Variants in ABCC9 observed in about 807,000 individuals in gnomAD.
ABCC9 encodes the protein ATP-binding cassette sub-family C member 9.
Under a neutral mutation model 188.3 loss-of-function variants are expected in ABCC9, and 95 were observed. The ratio of observed to expected loss-of-function variants is 0.50; its 90% CI spans 0.43 to 0.60. The LOEUF (loss-of-function observed/expected upper bound fraction) is 0.60, where lower values mean the gene tolerates loss of function less well. ABCC9 is among the 20% of genes least tolerant of loss of function. The probability of loss-of-function intolerance (pLI) is 0.00; values close to 1 mark genes in which losing one functional copy is unlikely to be tolerated. For missense variants in ABCC9, 1,102 were observed against 1,876.3 expected (o/e 0.59, Z 7.62); for synonymous variants, 659 against 652.7 (o/e 1.01, Z -0.15).
At position 21,807,333 on chromosome 12, in the gene ABCC9, A is replaced by G; in HGVS notation, c.4449+13T>C. 1 of 1,613,810 alleles carries G rather than the reference A, an allele frequency of 6.2e-7. No individual in the cohort carries two copies. The highest frequency in any genetic ancestry group is 8.5e-7 in the Non-Finnish European group (1 of 1,179,720). ...CAATTCGTCAATTTTAAAAGCTTAG[A>G]TAATGCACTCACTGTGGCCATGTCA... is the stretch of plus-strand genomic sequence containing the variant. On this transcript the variant is annotated intron_variant, in intron 38 of 39. Transcript: ENST00000261200.
At chr12:21,871,898 A>C (rs1339616822) in intron 18 of ABCC9, among the ~76,000 whole-genome samples, 3 of 152,230 alleles carry the variant, frequency 2.0e-5, no homozygotes, top group Non-Finnish European at 2.9e-5. Context: ...TAGCCAGTGT[A>C]TCCATAAACT....
intron 39 of ABCC9, among the ~76,000 whole-genome samples, chr12:21,802,600 A>G (rs1941531307): frequency 6.6e-6 from 1 of 152,218 alleles, no homozygotes; most frequent in Admixed American, 6.5e-5. Flanking sequence ...TTTTACACTT[A>G]TGGCACTTCT....
intron 5 of ABCC9, among the ~76,000 whole-genome samples, chr12:21,917,419 G>T (rs1313607353): frequency 6.6e-6 from 1 of 152,120 alleles, no homozygotes; most frequent in Non-Finnish European, 1.5e-5. Context: ...TTAAAAAGTA[G>T]CTTTATCTTC....
intron 4 of ABCC9, 52 bp from the exon 5 acceptor site, chr12:21,926,115 T>G (rs756254477): frequency 6.2e-7 from 1 of 1,612,576 alleles, no homozygotes; most frequent in East Asian, 2.2e-5. Context: ...AGATAATTTC[T>G]TATTTTTTTT....
chr12:21,912,786 A>G, intron 8 of ABCC9, 86 bp downstream of exon 8: 2 of 1,375,798 alleles, frequency 1.5e-6, no homozygotes, highest in Non-Finnish European at 2.1e-6. Context: ...TATTTGAACA[A>G]CTCATAAAAC....
At chr12:21,851,988 A>G (rs1484992757) in intron 24 of ABCC9, 109 bp downstream of exon 24, 25 of 1,257,322 alleles carry the variant, frequency 2.0e-5, no homozygotes, top group African/African-American at 3.0e-5. Flanking sequence ...AAAGACCATT[A>G]TATTACAAAG....
rs959604118 is a variant in ABCC9 at position 21,940,739 on chromosome 12, C to T, written c.-50G>A. ...GGCAATAGCTTCACGCTGCTTCAAACCCCTGCCGGTGCACTTGAGCTACCT... is the reference window on the plus strand; with the variant it reads ...GGCAATAGCTTCACGCTGCTTCAAATCCCTGCCGGTGCACTTGAGCTACCT... On this transcript the variant is annotated 5_prime_UTR_variant, in exon 2 of 40. Transcript: ENST00000261200. 1.3e-5 allele frequency: 2 copies of T among 152,186 alleles called. No homozygotes were observed. The highest frequency in any genetic ancestry group is 4.8e-5 in the African/African-American group (2 of 41,440). 9.4% of individuals were successfully genotyped at this position (152,186 alleles called of 1,614,324 possible).
At chr12:21,911,221 T>TTTCCTGC (rs1287904368) in intron 8 of ABCC9, among the ~76,000 whole-genome samples, 1 of 151,924 alleles carries the variant, frequency 6.6e-6, no homozygotes, top group Non-Finnish European at 1.5e-5. Context: ...TTAGAATGCA[T>TTTCCTGC]TTCCTGCAAA....
chr12:21,858,986 A>T (rs1401175773), intron 22 of ABCC9, among the ~76,000 whole-genome samples: 1 of 152,202 alleles, frequency 6.6e-6, no homozygotes, highest in Admixed American at 6.6e-5. Context: ...CATAACCGTC[A>T]AATTTTATTT....
In ABCC9 at chr12:21,880,398, C is replaced by A. The variant is rs74067835; in HGVS notation, c.2019+2368G>T. On this transcript the variant is annotated intron_variant, in intron 16 of 39. Coordinates refer to ENST00000261200, the MANE Select transcript of ABCC9 (RefSeq NM_020297.4). ...CATAAAGGAAAAGTTGTATCCTAGA[C>A]TATATTAAAATTAAGAACTTCTGTT... Among the ~76,000 whole-genome samples, 1,043 of 152,044 alleles carry A rather than the reference C, an allele frequency of 6.9e-3. 19 individuals carry two copies. The highest frequency in any genetic ancestry group is 0.024 in the African/African-American group (996 of 41,456).
intron 8 of ABCC9, among the ~76,000 whole-genome samples, chr12:21,911,942 A>G (rs187108478): frequency 2.0e-5 from 3 of 152,052 alleles, no homozygotes; most frequent in Middle Eastern, 3.4e-3. Context: ...TGTGAACACA[A>G]ATATGAATGG....
At chr12:21,865,253 A>T (rs1474149335) in intron 18 of ABCC9, among the ~76,000 whole-genome samples, 2 of 152,136 alleles carry the variant, frequency 1.3e-5, no homozygotes, top group Non-Finnish European at 1.5e-5. Flanking sequence ...AAAATGTTGT[A>T]TGTTTTTGTG....
At chr12:21,932,192 T>C (rs1208796949) in intron 4 of ABCC9, among the ~76,000 whole-genome samples, 6 of 151,898 alleles carry the variant, frequency 4.0e-5, no homozygotes. Context: ...AAAAATATTT[T>C]CACCAGATTA....
chr12:21,896,326 C>G (rs1045473223), intron 12 of ABCC9, among the ~76,000 whole-genome samples: 1 of 152,052 alleles, frequency 6.6e-6, no homozygotes. Context: ...ACTTAGTTGT[C>G]AAACATAGAC....
intron 39 of ABCC9, among the ~76,000 whole-genome samples, chr12:21,804,291 T>C (rs1323378488): frequency 6.6e-6 from 1 of 152,206 alleles, no homozygotes; most frequent in Non-Finnish European, 1.5e-5. Flanking sequence ...ATACAAATTA[T>C]GCTCAAGTAA....
chr12:21,817,564 T>C (rs1942728336), intron 32 of ABCC9, among the ~76,000 whole-genome samples: 1 of 152,170 alleles, frequency 6.6e-6, no homozygotes, highest in South Asian at 2.1e-4. Context: ...TGGATAGTGG[T>C]ATACTCTTCT....
rs1254465915 is a variant in ABCC9 at position 21,893,175 on chromosome 12, A to C, written c.1802+857T>G. On this transcript the variant is annotated intron_variant, in intron 14 of 39. Coordinates refer to ENST00000261200, the MANE Select transcript of ABCC9 (RefSeq NM_020297.4). ...TTGGTAACACATTTTTATAAGTAAAAATGGTGGAAAAATGGTCTTATATCA... is the reference window on the plus strand; with the variant it reads ...TTGGTAACACATTTTTATAAGTAAACATGGTGGAAAAATGGTCTTATATCA... Among the ~76,000 whole-genome samples the C allele has an allele frequency of 8.6e-5, 6 of 69,724 alleles. No individual in the cohort carries two copies. In the East Asian group the frequency reaches 2.5e-3, roughly 29 times the overall value. 45.7% of individuals were successfully genotyped at this position (69,724 alleles called of 152,430 possible).
rs1555115928 is a variant in ABCC9 at position 21,915,223 on chromosome 12, ATATG to A, written c.816+441_816+444del. 1.3e-3 allele frequency among the ~76,000 whole-genome samples: 150 copies of A among 117,188 alleles called. 1 individual carries two copies. The highest frequency in any genetic ancestry group is 4.9e-3 in the African/African-American group (140 of 28,710). 76.9% of individuals were successfully genotyped at this position (117,188 alleles called of 152,430 possible). A position where few individuals can be genotyped will look rare whatever the true frequency, so the allele number is the denominator to read the frequency against. On this transcript the variant is annotated intron_variant, in intron 7 of 39. Coordinates refer to ENST00000261200, the MANE Select transcript of ABCC9 (RefSeq NM_020297.4). Reference sequence around the variant, plus strand: ...GCCTAAGCTTTGTGTCTTTATATATATATGTGTGTGTGTGTGTGTGTGTGTGTGT... The same window carrying A: ...GCCTAAGCTTTGTGTCTTTATATATATGTGTGTGTGTGTGTGTGTGTGTGT...
In ABCC9 at chr12:21,877,954, T is replaced by C. The variant is rs181073409; in HGVS notation, c.2020-2228A>G. Among the ~76,000 whole-genome samples the C allele has an allele frequency of 2.6e-5, 4 of 151,958 alleles. No individual in the cohort carries two copies. In the East Asian group the frequency reaches 7.8e-4, roughly 30 times the overall value. ...ATAAGGTTGGATTGCTGCAGAAAGG[T>C]ACTAAAGGACTGGGAGAAAAAGAAG... On this transcript the variant is annotated intron_variant, in intron 16 of 39. Coordinates refer to ENST00000261200, the MANE Select transcript of ABCC9 (RefSeq NM_020297.4).
Sources: gnomAD v4.1 joint callset for allele counts (sites outside exome capture counted in the v4.1 genomes callset) on GRCh38, gnomAD v4.1.1 for gene constraint, MANE v1.5 for transcripts, NCBI Gene and HGNC (gene_info 2026-07-23, HGNC 2026-07-21) for gene names.